Variants in SV2A observed in about 807,000 individuals in gnomAD.
SV2A encodes synaptic vesicle glycoprotein 2A.
In SV2A, 25 loss-of-function variants were observed where a neutral mutation model predicts 78.0. The ratio of observed to expected loss-of-function variants is 0.32; its 90% CI spans 0.23 to 0.45. The LOEUF is 0.45. Ranked by LOEUF, SV2A falls within the 20% of genes least tolerant of loss-of-function variation. SV2A has a pLI of 1.00. For missense variants in SV2A, 752 were observed against 971.5 expected, an observed-to-expected ratio of 0.77 and a Z score of 3.00; for synonymous variants, 355 against 384.7, an observed-to-expected ratio of 0.92 and a Z score of 0.90.
chr1:149,908,124 G>T lies in SV2A; in HGVS notation c.1462C>A (p.Pro488Thr). The change falls in exon 9 of 13, where the codon CCC (proline) becomes ACC (threonine). Residue 488 changes from proline (P) to threonine (T), a missense_variant. This residue lies in a region of SV2A where 81 missense variants were observed against 74.2 expected (regional missense o/e 1.09). Transcript: ENST00000369146. ...GTTACATGCTCTACGCGCTCCCCGG[G>T]GAACACTTTGGTGCGGGATGCGTAG... ...VDYASRTKVF[P>T]GERVEHVTFN... 2 of 1,614,190 alleles carry T rather than the reference G, an allele frequency of 1.2e-6. No homozygotes were observed. The highest frequency in any genetic ancestry group is 1.7e-6 in the Non-Finnish European group (2 of 1,180,034).
rs781839850 is a variant in SV2A at position 149,910,611 on chromosome 1, C to A, written c.1048G>T (p.Ala350Ser). The change falls in exon 5 of 13, where the codon GCT becomes TCT. Residue 350 changes from alanine to serine, a missense_variant. Coordinates refer to ENST00000369146, the MANE Select transcript of SV2A (RefSeq NM_014849.5). The surrounding 1 kb of genome is among the most constrained non-coding windows in gnomAD (Gnocchi z 4.2). ...CAFPSVFAIGALTTQPESPRF... is the reference protein window; with the variant it reads ...CAFPSVFAIGSLTTQPESPRF... ...GGGCTCTCAGGCTGCGTGGTCAGAGCCCCAATGGCAAACACAGAAGGAAAG... is the reference window on the plus strand; with the variant it reads ...GGGCTCTCAGGCTGCGTGGTCAGAGACCCAATGGCAAACACAGAAGGAAAG... 1 of 1,612,984 alleles carries A rather than the reference C, an allele frequency of 6.2e-7. No homozygotes were observed. Among genetic ancestry groups the A allele is most frequent in the Admixed American group, 1.7e-5 (1 of 59,840 alleles).
Position 149,909,203 on chromosome 1 carries a change from G to A in SV2A, c.1368C>T (p.Thr456=). ...ITLMMMGVWF[T]MSFSYYGLTV... is the part of the protein sequence containing the mutation. ...ACCCATCTCCTCACCTGAATGACAT[G>A]GTGAACCACACACCCATCATCATCA... Residue 456 remains threonine, a synonymous_variant, in exon 8 of 13, where the codon ACC becomes ACT. Coordinates refer to ENST00000369146, the MANE Select transcript of SV2A (RefSeq NM_014849.5). 6.2e-7 allele frequency: 1 copy of A among 1,613,852 alleles called. No individual in the cohort carries two copies. The highest frequency in any genetic ancestry group is 2.2e-5 in the East Asian group (1 of 44,868).
In SV2A at chr1:149,907,783, T is replaced by C; in HGVS notation, c.1595A>G (p.Glu532Gly). 6.2e-7 allele frequency: 1 copy of C among 1,614,144 alleles called. No individual in the cohort carries two copies. The highest frequency in any genetic ancestry group is 8.5e-7 in the Non-Finnish European group (1 of 1,180,030). ...KSVSFEDSLF[E>G]ECYFEDVTSS... ...TGTGACATCCTCAAAATAACACTCT[T>C]CAAACAGGGAATCCTCAAAGGACAC... The change falls in exon 10 of 13, where the codon GAA (glutamate) becomes GGA (glycine). Residue 532 changes from glutamate to glycine, a missense_variant. Coordinates refer to ENST00000369146, the MANE Select transcript of SV2A (RefSeq NM_014849.5).
At chr1:149,916,042 T>G (rs1314953052) in intron 1 of SV2A, among the ~76,000 whole-genome samples, 1 of 152,170 alleles carries the variant, frequency 6.6e-6, no homozygotes, top group Admixed American at 6.5e-5. Context: ...CCAGAAGCAG[T>G]GACCCCTATG....
intron 1 of SV2A, among the ~76,000 whole-genome samples, chr1:149,915,783 C>G (rs587608656): frequency 1.3e-5 from 2 of 152,150 alleles, no homozygotes; most frequent in South Asian, 4.1e-4. Context: ...TGGGATAGCC[C>G]CCTTCCTTCA....
chr1:149,906,612 C>T, intron 11 of SV2A, 38 bp downstream of exon 11: 2 of 1,609,024 alleles, frequency 1.2e-6, no homozygotes, highest in African/African-American at 1.3e-5. Context: ...CAGCCCCTGG[C>T]CCCTACTATC....
intron 1 of SV2A, among the ~76,000 whole-genome samples, chr1:149,915,989 G>A (rs143464430): frequency 1.3e-5 from 2 of 152,210 alleles, no homozygotes; most frequent in African/African-American, 2.4e-5. Context: ...GGCAAGCAGC[G>A]CCTTATCCCC....
intron 3 of SV2A, among the ~76,000 whole-genome samples, chr1:149,911,548 A>G (rs1553763776): frequency 6.6e-6 from 1 of 152,174 alleles, no homozygotes; most frequent in Non-Finnish European, 1.5e-5. Context: ...GCAGGCTCAA[A>G]AATGGAACTA....
Position 149,906,828 on chromosome 1 carries a change from G to A in SV2A, c.1707C>T (p.Ser569=). ...TDLFEYKFVN[S]RLINSTFLHN... is the part of the protein sequence containing the mutation. ...GCAGGAATGTACTGTTTATCAGACG[G>A]CTGTTCACAAACTTGTACTCGAACA... Residue 569 remains serine, a synonymous_variant, in exon 11 of 13, where the codon AGC becomes AGT. Transcript: ENST00000369146. 1.9e-6 allele frequency: 3 copies of A among 1,614,224 alleles called. No individual in the cohort carries two copies. The highest frequency in any genetic ancestry group is 2.2e-5 in the East Asian group (1 of 44,886).
chr1:149,905,345 G>A (rs962202848), intron 12 of SV2A, 148 bp from the exon 13 acceptor site: 13 of 654,200 alleles, frequency 2.0e-5, no homozygotes, highest in Middle Eastern at 4.3e-4. Context: ...GGTAAAGGAT[G>A]TACACCAGGA....
At chr1:149,909,758 G>A (rs1057022025) in intron 6 of SV2A, 43 bp downstream of exon 6, 4 of 1,601,388 alleles carry the variant, frequency 2.5e-6, no homozygotes. Context: ...AGGGGCTGGG[G>A]CTGCAGGGCG....
Position 149,908,168 on chromosome 1 carries a change from C to T in SV2A, c.1418G>A (p.Arg473His). ...GLTVWFPDMI[R>H]HLQAVDYASR... The stretch of plus-strand genomic sequence containing the variant: ...TGCGTAGTCCACTGCCTGGAGATGG[C>T]GGATCATGTCAGGAAACCAGACGGT... Residue 473 changes from arginine to histidine, a missense_variant, in exon 9 of 13, where the codon CGC (arginine) becomes CAC (histidine). Arg to His is a conservative substitution (Grantham distance 29, BLOSUM62 0). This residue lies in a region of SV2A where 81 missense variants were observed against 74.2 expected (regional missense o/e 1.09). Coordinates refer to ENST00000369146, the MANE Select transcript of SV2A (RefSeq NM_014849.5). 4 of 1,613,972 alleles carry T rather than the reference C, an allele frequency of 2.5e-6. No individual in the cohort carries two copies. The highest frequency in any genetic ancestry group is 2.2e-5 in the East Asian group (1 of 44,882).
At chr1:149,907,403 A>G (rs1297669526) in intron 10 of SV2A, among the ~76,000 whole-genome samples, 1 of 152,158 alleles carries the variant, frequency 6.6e-6, no homozygotes, top group Non-Finnish European at 1.5e-5. Context: ...CAAGAATGCT[A>G]TTTTGGATGA....
At position 149,910,381 on chromosome 1, in the gene SV2A, C is replaced by A. The variant is rs1393944502; in HGVS notation, c.1089+189G>T. On this transcript the variant is annotated intron_variant, in intron 5 of 12. Coordinates refer to ENST00000369146, the MANE Select transcript of SV2A (RefSeq NM_014849.5). This position sits in a 1 kb window ranked among gnomAD's most constrained non-coding sequence, Gnocchi z 4.2. ...CCCCTGGTTTCTCCACCCAAGAACCCCTCAGGGACACATTCCAAGGCAAAG... is the reference window on the plus strand; with the variant it reads ...CCCCTGGTTTCTCCACCCAAGAACCACTCAGGGACACATTCCAAGGCAAAG... Among the ~76,000 whole-genome samples the A allele has an allele frequency of 2.0e-5, 3 of 152,184 alleles. No homozygotes were observed. Among genetic ancestry groups the A allele is most frequent in the African/African-American group, 7.2e-5 (3 of 41,440 alleles).
At chr1:149,906,929 A>C (rs1275977318) in intron 10 of SV2A, 73 bp from the exon 11 acceptor site, 1 of 1,578,866 alleles carries the variant, frequency 6.3e-7, no homozygotes, top group African/African-American at 1.3e-5. Flanking sequence ...CTTATGGCTC[A>C]GGGCTCTGCA....
At position 149,910,817 on chromosome 1, in the gene SV2A, G is replaced by C. The variant is rs782251172; in HGVS notation, c.955+9C>G. ...GATAACCTGGGGTGGATTTCCGGGG[G>C]CTGCTCACCATAGTGGGGGATGATG... On this transcript the variant is annotated intron_variant, in intron 4 of 12. Transcript: ENST00000369146. The surrounding 1 kb of genome is among the most constrained non-coding windows in gnomAD (Gnocchi z 4.2). 11 of 1,613,186 alleles carry C rather than the reference G, an allele frequency of 6.8e-6. No homozygotes were observed. The highest frequency in any genetic ancestry group is 4.0e-5 in the African/African-American group (3 of 74,918).
chr1:149,917,294 A>G (rs1220722258), intron 1 of SV2A, among the ~76,000 whole-genome samples: 1 of 144,172 alleles, frequency 6.9e-6, no homozygotes, highest in Admixed American at 6.8e-5. Flanking sequence ...CCCCCCACCC[A>G]CCCAAGTCCA....
rs1483719771 is a variant in SV2A at position 149,910,758 on chromosome 1, A to C, written c.956-55T>G. On this transcript the variant is annotated intron_variant, in intron 4 of 12. Coordinates refer to ENST00000369146, the MANE Select transcript of SV2A (RefSeq NM_014849.5). The surrounding 1 kb of genome is among the most constrained non-coding windows in gnomAD (Gnocchi z 4.2). ...GAGAGGCCAGAGGCTGGGGGAACCC[A>C]CCACAGGGAGCACAGAAGAAGAGGG... 6 of 1,612,366 alleles carry C rather than the reference A, an allele frequency of 3.7e-6. No individual in the cohort carries two copies. In the South Asian group the frequency reaches 4.4e-5, roughly 12 times the overall value.
At chr1:149,917,279 C>T (rs2092521006) in intron 1 of SV2A, among the ~76,000 whole-genome samples, 1 of 151,304 alleles carries the variant, frequency 6.6e-6, no homozygotes, top group Admixed American at 6.6e-5. Context: ...GCCCTTCTTC[C>T]CCTGCCCCCC....
Sources: gnomAD v4.1 joint callset for allele counts (sites outside exome capture counted in the v4.1 genomes callset) on GRCh38, gnomAD v4.1.1 for gene constraint, gnomAD v4.1.1 regional missense constraint, Gnocchi (gnomAD v3.1) non-coding constraint, MANE v1.5 for transcripts, NCBI Gene and HGNC (gene_info 2026-07-23, HGNC 2026-07-21) for gene names.